Variants in ZNF333 observed in about 807,000 individuals in gnomAD.
ZNF333 encodes the protein zinc finger protein 333.
In ZNF333, 61 loss-of-function variants were observed where a neutral mutation model predicts 76.1. The observed-to-expected ratio is 0.80, with a 90% CI of 0.65 to 0.99. ZNF333 has a LOEUF of 0.99. ZNF333 is among the 50% of genes least tolerant of loss of function. The pLI is 0.00. For missense variants in ZNF333, 717 were observed against 822.4 expected (o/e 0.87, Z 1.57); for synonymous variants, 284 against 305.0 (o/e 0.93, Z 0.72).
chr19:14,717,775 A>G, intron 11 of ZNF333, 42 bp downstream of exon 11: 1 of 1,585,240 alleles, frequency 6.3e-7, no homozygotes. Context: ...CTATAGTAGG[A>G]TGAGTCTGGG....
chr19:14,717,212 C>T (rs542568428), intron 10 of ZNF333, 123 bp downstream of exon 10: 2 of 730,188 alleles, frequency 2.7e-6, no homozygotes, highest in Non-Finnish European at 4.4e-6. Flanking sequence ...TGGTTGAGCT[C>T]CCTTATTAAA....
chr19:14,704,304 A>G (rs1475048007), intron 5 of ZNF333, among the ~76,000 whole-genome samples: 1 of 151,872 alleles, frequency 6.6e-6, no homozygotes, highest in East Asian at 1.9e-4. Flanking sequence ...TTTTTTTTTA[A>G]GACACAATCT....
rs2042587832 is a variant in ZNF333, at chr19:14,721,599, GTTTATGCTTTTTAATTGCTGTGTA to G, written c.*2275_*2298del. 1 of 152,120 alleles carries G rather than the reference GTTTATGCTTTTTAATTGCTGTGTA, an allele frequency of 6.6e-6. No homozygotes were observed. Among genetic ancestry groups the G allele is most frequent in the Non-Finnish European group, 1.5e-5 (1 of 68,018 alleles). 9.4% of individuals were successfully genotyped at this position (152,120 alleles called of 1,614,324 possible). Reference sequence around the variant, plus strand: ...ATTTATCTATGTTGTATTATCAGTAGTTTATGCTTTTTAATTGCTGTGTAATAGTCCATAGTCTGAATATACCAC... The same window carrying G: ...ATTTATCTATGTTGTATTATCAGTAGATAGTCCATAGTCTGAATATACCAC... On this transcript the variant is annotated 3_prime_UTR_variant, in exon 12 of 12. Transcript: ENST00000292530.
rs1288179630 is a variant in ZNF333 at position 14,698,895 on chromosome 19, TATAG to T, written c.224-300_224-297del. On this transcript the variant is annotated intron_variant, in intron 4 of 11. Transcript: ENST00000292530. ...ATGTATGTGTGTACACACACACAAA[TATAG>T]ATATATATATATATATATATATATA... 2.8e-4 allele frequency among the ~76,000 whole-genome samples: 29 copies of T among 104,586 alleles called. 2 individuals are homozygous for T. Among genetic ancestry groups the T allele is most frequent in the African/African-American group, 1.2e-3 (27 of 22,460 alleles). The allele number at this position is 104,586 out of a possible 152,430, so 68.6% of individuals were successfully genotyped here.
At chr19:14,701,667 C>A in intron 5 of ZNF333, 1 of 985,434 alleles carries the variant, frequency 1.0e-6, no homozygotes, top group Non-Finnish European at 1.2e-6. Context: ...TGGGCTCTCT[C>A]CTTTCAGTAC....
intron 4 of ZNF333, 86 bp from the exon 5 acceptor site, chr19:14,699,113 T>G (rs577229733): frequency 9.6e-7 from 1 of 1,038,986 alleles, no homozygotes; most frequent in Non-Finnish European, 1.5e-6. Context: ...TGTATATATA[T>G]TCACATATAT....
chr19:14,731,351 A>G (rs1452125150), exon 12 of ZNF333: 9 of 671,356 alleles, frequency 1.3e-5, no homozygotes, highest in Non-Finnish European at 2.0e-5. Context: ...GTTCCGTGAC[A>G]TCCGGGCTCC....
At chr19:14,701,726 C>T (rs1435988523) in intron 5 of ZNF333, 4 of 985,436 alleles carry the variant, frequency 4.1e-6, no homozygotes, top group Non-Finnish European at 4.8e-6. Context: ...CAGCAAGCCC[C>T]TCCATAATGG....
intron 9 of ZNF333, 39 bp from the exon 10 acceptor site, chr19:14,716,955 A>G: frequency 1.9e-6 from 3 of 1,569,176 alleles, no homozygotes; most frequent in Non-Finnish European, 2.6e-6. Flanking sequence ...AGGGCATGGC[A>G]CAGTCCTCGC....
At chr19:14,717,901 G>T (rs1442571731) in intron 11 of ZNF333, among the ~76,000 whole-genome samples, 168 bp downstream of exon 11, 1 of 152,180 alleles carries the variant, frequency 6.6e-6, no homozygotes, top group Non-Finnish European at 1.5e-5. Flanking sequence ...TGAATTGGTG[G>T]AAAACTAAAT....
chr19:14,706,545 A>G (rs560345790), intron 6 of ZNF333, 141 bp from the exon 7 acceptor site: 27 of 723,902 alleles, frequency 3.7e-5, no homozygotes, highest in Non-Finnish European at 6.3e-5. Flanking sequence ...AAATCCTGAC[A>G]AGGTAAATGG....
exon 12 of ZNF333, chr19:14,732,120 G>A (rs551684710): frequency 6.6e-6 from 1 of 152,212 alleles, no homozygotes; most frequent in African/African-American, 2.4e-5. Flanking sequence ...TTAGCATTAT[G>A]CCTTGCACGA....
chr19:14,710,434 G>A (rs895318413), intron 7 of ZNF333, among the ~76,000 whole-genome samples: 1 of 152,228 alleles, frequency 6.6e-6, no homozygotes, highest in African/African-American at 2.4e-5. Flanking sequence ...CACAGGAGAT[G>A]TCGTACTCGT....
At chr19:14,724,367 G>C (rs926918840), downstream of ZNF333, among the ~76,000 whole-genome samples, 5 of 152,310 alleles carry the variant, frequency 3.3e-5, no homozygotes, top group African/African-American at 1.2e-4. Flanking sequence ...GGAGCACATG[G>C]TTATAACACT....
chr19:14,721,280 C>CTTTTTTTTTTTTT lies in ZNF333; in HGVS notation c.*1968_*1980dup, dbSNP rs56066058. 43 of 87,870 alleles carry CTTTTTTTTTTTTT rather than the reference C, an allele frequency of 4.9e-4. No individual in the cohort carries two copies. Among genetic ancestry groups the CTTTTTTTTTTTTT allele is most frequent in the African/African-American group, 5.9e-4 (14 of 23,576 alleles). The allele number at this position is 87,870 out of a possible 1,614,324, so 5.4% of individuals were successfully genotyped here. On this transcript the variant is annotated 3_prime_UTR_variant, in exon 12 of 12. Coordinates refer to ENST00000292530, the MANE Select transcript of ZNF333 (RefSeq NM_032433.4). ...GGACTAGTCTCCATTTTTACTTGTT[C>CTTTTTTTTTTTTT]TTTTTTTTTTTTTTTTTTTTTTTTT... is the stretch of plus-strand genomic sequence containing the variant.
intron 9 of ZNF333, among the ~76,000 whole-genome samples, chr19:14,716,692 A>G (rs975423944): frequency 5.9e-5 from 9 of 152,188 alleles, no homozygotes; most frequent in Admixed American, 2.0e-4. Context: ...TGGCCTTTCT[A>G]TGGAATGAAG....
intron 7 of ZNF333, chr19:14,715,097 GTA>G (rs1450973238): frequency 8.4e-6 from 3 of 359,250 alleles, no homozygotes; most frequent in South Asian, 2.6e-5. Context: ...TGGTCTGTGT[GTA>G]TATGTTATAT....
intron 7 of ZNF333, among the ~76,000 whole-genome samples, chr19:14,710,724 A>G (rs899834415): frequency 3.3e-5 from 5 of 152,266 alleles, no homozygotes; most frequent in African/African-American, 1.2e-4. Context: ...GTTGCAGTGA[A>G]CCAAGATTGC....
downstream of ZNF333, among the ~76,000 whole-genome samples, chr19:14,726,746 A>G (rs1337728747): frequency 6.6e-6 from 1 of 152,182 alleles, no homozygotes; most frequent in Non-Finnish European, 1.5e-5. Context: ...CCTTTGCTCC[A>G]GTTCCCAGTA....
Sources: allele counts gnomAD v4.1 joint callset (sites outside exome capture counted in the v4.1 genomes callset), GRCh38; gene constraint gnomAD v4.1.1; transcripts MANE v1.5; gene names NCBI Gene and HGNC (gene_info 2026-07-23, HGNC 2026-07-21).